The following NRXN3 variants were observed in gnomAD, a reference collection of about 807,000 sequenced individuals.
The protein encoded by NRXN3 is neurexin III.
NRXN3 carries 32 observed loss-of-function variants against 137.6 expected under a neutral mutation model. That is an observed-to-expected ratio of 0.23 (90% CI 0.18 to 0.31). The LOEUF (loss-of-function observed/expected upper bound fraction) is 0.31, where lower values mean the gene tolerates loss of function less well. Ranked by LOEUF, NRXN3 falls within the 10% of genes least tolerant of loss-of-function variation. The pLI, the probability that NRXN3 is intolerant of heterozygous loss-of-function variation, is 1.00. For missense variants in NRXN3, 1,574 were observed against 2,062.5 expected (o/e 0.76, Z 4.59); for synonymous variants, 798 against 784.5 (o/e 1.02, Z -0.29).
At chr14:78,342,387 G>T (rs1016663011) in intron 4 of NRXN3, among the ~76,000 whole-genome samples, 7 of 152,150 alleles carry the variant, frequency 4.6e-5, no homozygotes, top group Non-Finnish European at 1.0e-4. Context: ...GCCACATTTC[G>T]TGGCCCTCTG....
chr14:79,854,353 T>G (rs1394800033), intron 20 of NRXN3: 1 of 161,190 alleles, frequency 6.2e-6, no homozygotes, highest in African/African-American at 2.4e-5. Flanking sequence ...TCTTATTATA[T>G]TGTGAATGCC....
At chr14:78,757,418 A>G (rs2098673816) in intron 8 of NRXN3, among the ~76,000 whole-genome samples, 2 of 151,934 alleles carry the variant, frequency 1.3e-5, no homozygotes, top group Non-Finnish European at 1.5e-5. Flanking sequence ...TTAAAAAAAA[A>G]AAAAGGATTC....
intron 14 of NRXN3, among the ~76,000 whole-genome samples, chr14:78,985,153 A>G (rs1405024346): frequency 2.6e-5 from 4 of 152,210 alleles, no homozygotes; most frequent in African/African-American, 9.6e-5. Flanking sequence ...CAGAGTGCAG[A>G]CATGCTCCTA....
chr14:79,164,055 G>A (rs1044692904), intron 15 of NRXN3, among the ~76,000 whole-genome samples: 1 of 151,742 alleles, frequency 6.6e-6, no homozygotes, highest in Non-Finnish European at 1.5e-5. Context: ...GACCTCACTA[G>A]CTCTTCACTT....
chr14:79,430,021 C>A (rs1289519562), intron 15 of NRXN3, among the ~76,000 whole-genome samples: 1 of 151,738 alleles, frequency 6.6e-6, no homozygotes, highest in Admixed American at 6.6e-5. Context: ...CATCTAGGAT[C>A]TCAGATCTCA....
chr14:78,238,859 C>G (rs1261540188), intron 1 of NRXN3, among the ~76,000 whole-genome samples: 1 of 152,194 alleles, frequency 6.6e-6, no homozygotes, highest in African/African-American at 2.4e-5. Context: ...GAGGCTCAGC[C>G]TGGAAGGGGT....
intron 4 of NRXN3, among the ~76,000 whole-genome samples, chr14:78,446,584 G>A (rs1236221281): frequency 6.6e-6 from 1 of 152,194 alleles, no homozygotes; most frequent in Non-Finnish European, 1.5e-5. Flanking sequence ...TGATGTTGTT[G>A]CTACTGTGTT....
At chr14:79,689,464 A>G (rs2098708128) in intron 17 of NRXN3, among the ~76,000 whole-genome samples, 1 of 152,134 alleles carries the variant, frequency 6.6e-6, no homozygotes, top group African/African-American at 2.4e-5. Flanking sequence ...ACTAAGAACA[A>G]TGTTAATGCG....
chr14:79,153,049 A>G (rs2059943681), intron 15 of NRXN3, among the ~76,000 whole-genome samples: 1 of 151,988 alleles, frequency 6.6e-6, no homozygotes, highest in Non-Finnish European at 1.5e-5. Flanking sequence ...ACTGATAACT[A>G]TTGTAATAGG....
intron 1 of NRXN3, among the ~76,000 whole-genome samples, chr14:78,172,818 G>A (rs537353521): frequency 1.3e-5 from 2 of 152,200 alleles, no homozygotes; most frequent in South Asian, 4.2e-4. Flanking sequence ...GAAGAGGAGG[G>A]GGCAGAAATT....
chr14:79,722,460 A>G (rs2098847982), intron 19 of NRXN3, among the ~76,000 whole-genome samples: 1 of 152,086 alleles, frequency 6.6e-6, no homozygotes, highest in Admixed American at 6.6e-5. Context: ...ATAATGCTCT[A>G]ACTACATTCA....
At chr14:78,481,701 T>C (rs2153740512) in intron 4 of NRXN3, among the ~76,000 whole-genome samples, 1 of 152,286 alleles carries the variant, frequency 6.6e-6, no homozygotes, top group East Asian at 1.9e-4. Flanking sequence ...CCTTTTTATC[T>C]TCATACCAAA....
intron 15 of NRXN3, among the ~76,000 whole-genome samples, chr14:79,028,262 G>A (rs563560482): frequency 6.6e-6 from 1 of 152,206 alleles, no homozygotes; most frequent in East Asian, 1.9e-4. Context: ...GTTTTGGCAG[G>A]ACTCAAGAGC....
intron 10 of NRXN3, among the ~76,000 whole-genome samples, chr14:78,954,773 T>G (rs76729738): frequency 0.029 from 3,296 of 113,262 alleles, 54 homozygotes; most frequent in African/African-American, 0.058. Context: ...CCTGGTTTTT[T>G]TTTTTTTTTT....
At chr14:78,844,983 A>G (rs1162380975) in intron 10 of NRXN3, among the ~76,000 whole-genome samples, 1 of 152,018 alleles carries the variant, frequency 6.6e-6, no homozygotes, top group East Asian at 1.9e-4. Flanking sequence ...ACATATTACT[A>G]TGTGATGTCA....
At chr14:79,661,479 T>C (rs1371865880) in intron 16 of NRXN3, among the ~76,000 whole-genome samples, 1 of 152,164 alleles carries the variant, frequency 6.6e-6, no homozygotes, top group Non-Finnish European at 1.5e-5. Context: ...TACTAAGTGA[T>C]AAATGGAAAC....
chr14:78,361,262 A>G (rs1290731659), intron 4 of NRXN3, among the ~76,000 whole-genome samples: 4 of 152,206 alleles, frequency 2.6e-5, no homozygotes. Context: ...GGTATATATC[A>G]AAAGCTTCCT....
intron 8 of NRXN3, among the ~76,000 whole-genome samples, chr14:78,751,154 T>G (rs2098639789): frequency 6.6e-6 from 1 of 152,148 alleles, no homozygotes; most frequent in Non-Finnish European, 1.5e-5. Context: ...CTTTACAATT[T>G]CACAGTTAAT....
intron 4 of NRXN3, among the ~76,000 whole-genome samples, chr14:78,403,537 A>C (rs2092263965): frequency 6.6e-6 from 1 of 152,186 alleles, no homozygotes; most frequent in South Asian, 2.1e-4. Flanking sequence ...GGCTGCTGAG[A>C]GTCCTCTTTG....
Sources: gnomAD v4.1 joint callset for allele counts (sites outside exome capture counted in the v4.1 genomes callset) on GRCh38, gnomAD v4.1.1 for gene constraint, MANE v1.5 for transcripts, NCBI Gene and HGNC (gene_info 2026-07-23, HGNC 2026-07-21) for gene names.